DGKB: variants seen among roughly 807,000 people sequenced by gnomAD.
DGKB encodes the protein 90 kDa diacylglycerol kinase.
DGKB carries 67 observed loss-of-function variants against 114.3 expected under a neutral mutation model. The observed-to-expected ratio is 0.59, with a 90% CI of 0.48 to 0.72. The LOEUF (loss-of-function observed/expected upper bound fraction) is 0.72. DGKB is among the 30% of genes least tolerant of loss of function. DGKB has a pLI of 0.00. For synonymous variants in DGKB, 398 were observed against 323.1 expected, an observed-to-expected ratio of 1.23 and a Z score of -2.49; for missense variants, 907 against 975.2, an observed-to-expected ratio of 0.93 and a Z score of 0.93.
chr7:14,763,197 GT>G (rs1243935280), intron 2 of DGKB, among the ~76,000 whole-genome samples: 4 of 151,986 alleles, frequency 2.6e-5, no homozygotes, highest in African/African-American at 9.7e-5. Flanking sequence ...GTTGAGTGAA[GT>G]TCAACATAAT....
At chr7:14,317,400 C>T (rs1423615193) in intron 23 of DGKB, among the ~76,000 whole-genome samples, 2 of 144,836 alleles carry the variant, frequency 1.4e-5, no homozygotes, top group Admixed American at 1.4e-4. Flanking sequence ...TGTCTCAGCC[C>T]AAAATCTCCT....
chr7:14,643,986 C>A (rs62445640), intron 13 of DGKB, among the ~76,000 whole-genome samples: 7,200 of 152,192 alleles, frequency 0.047, 234 homozygotes, highest in African/African-American at 0.094. Flanking sequence ...CCCATGCCTA[C>A]AAATATCCCC....
intron 21 of DGKB, among the ~76,000 whole-genome samples, chr7:14,429,871 G>A (rs1828167783): frequency 6.6e-6 from 1 of 152,042 alleles, no homozygotes; most frequent in African/African-American, 2.4e-5. Context: ...AGGTTGTAGT[G>A]AGCTGAGATC....
chr7:14,834,089 G>A (rs1329153879), intron 2 of DGKB, among the ~76,000 whole-genome samples: 1 of 152,082 alleles, frequency 6.6e-6, no homozygotes, highest in Non-Finnish European at 1.5e-5. Flanking sequence ...GGTAACTAAG[G>A]AAACTTGGAA....
chr7:14,613,640 C>G (rs1454324520), intron 15 of DGKB, among the ~76,000 whole-genome samples: 1 of 151,412 alleles, frequency 6.6e-6, no homozygotes, highest in Non-Finnish European at 1.5e-5. Context: ...GCATGCCTAT[C>G]TAGATAGAGG....
intron 2 of DGKB, among the ~76,000 whole-genome samples, chr7:14,801,242 G>A (rs932775222): frequency 7.9e-5 from 12 of 152,116 alleles, no homozygotes; most frequent in East Asian, 1.9e-4. Context: ...AAAGACCAGC[G>A]CATTTTCAGT....
At chr7:14,833,879 T>G (rs1484901422) in intron 2 of DGKB, among the ~76,000 whole-genome samples, 3 of 152,098 alleles carry the variant, frequency 2.0e-5, no homozygotes, top group African/African-American at 7.2e-5. Context: ...TCAACTTCTA[T>G]CCATATGCGC....
At chr7:14,953,603 T>C (rs1296234717) in intron 1 of DGKB, among the ~76,000 whole-genome samples, 1 of 152,086 alleles carries the variant, frequency 6.6e-6, no homozygotes, top group African/African-American at 2.4e-5. Context: ...GATGGGAACA[T>C]GTAACAGTGC....
chr7:14,483,891 G>T (rs564689868), intron 20 of DGKB, among the ~76,000 whole-genome samples: 1 of 152,210 alleles, frequency 6.6e-6, no homozygotes, highest in Middle Eastern at 3.4e-3. Flanking sequence ...GGAGCACCTC[G>T]ATTTTAGTCC....
intron 21 of DGKB, among the ~76,000 whole-genome samples, chr7:14,439,395 C>T (rs1484222042): frequency 6.6e-6 from 1 of 152,004 alleles, no homozygotes; most frequent in East Asian, 1.9e-4. Context: ...ACAAAAAGAC[C>T]TGTGTTCTCT....
rs1229094965 is a variant in DGKB at position 14,148,785 on chromosome 7, T to C, written c.*346A>G. The C allele has an allele frequency of 2.5e-5, 8 of 321,860 alleles. No homozygotes were observed. Among genetic ancestry groups the C allele is most frequent in the African/African-American group, 4.5e-5 (2 of 44,750 alleles). The allele number at this position is 321,860 out of a possible 1,614,324, so 19.9% of individuals were successfully genotyped here. ...ATCACACTGAGAATCACGTTTCCCATGGTATTTCCTTTTTCATGTTTCACG... is the reference window on the plus strand; with the variant it reads ...ATCACACTGAGAATCACGTTTCCCACGGTATTTCCTTTTTCATGTTTCACG... On this transcript the variant is annotated 3_prime_UTR_variant, in exon 26 of 26. Transcript: ENST00000402815.
intron 21 of DGKB, among the ~76,000 whole-genome samples, chr7:14,467,569 C>G (rs1475401201): frequency 5.9e-5 from 9 of 151,918 alleles, no homozygotes; most frequent in Non-Finnish European, 1.3e-4. Context: ...TTACATATCC[C>G]AATATGAAAA....
chr7:14,817,072 AG>A (rs1844259085), intron 2 of DGKB, among the ~76,000 whole-genome samples: 1 of 152,172 alleles, frequency 6.6e-6, no homozygotes, highest in African/African-American at 2.4e-5. Flanking sequence ...TTCAGGAAAT[AG>A]TCTACACTAT....
intron 4 of DGKB, chr7:14,749,995 T>G: frequency 2.3e-6 from 1 of 436,354 alleles, no homozygotes; most frequent in South Asian, 1.6e-5. Flanking sequence ...GTCTTTTACC[T>G]TACAGGTCCT....
chr7:14,307,172 G>GCTAGCACAATAATATTAGTAGACA (rs202238963), intron 23 of DGKB, among the ~76,000 whole-genome samples: 1 of 152,106 alleles, frequency 6.6e-6, no homozygotes, highest in African/African-American at 2.4e-5. Flanking sequence ...ATAAATAATT[G>GCTAGCACAATAATATTAGTAGACA]AGGGTTACAT....
At chr7:14,474,913 A>G (rs1781947417) in intron 21 of DGKB, among the ~76,000 whole-genome samples, 1 of 152,066 alleles carries the variant, frequency 6.6e-6, no homozygotes, top group Admixed American at 6.6e-5. Flanking sequence ...TAGAAAGTTA[A>G]ACAGCATGCT....
chr7:14,268,029 G>A (rs1797756014), intron 23 of DGKB, among the ~76,000 whole-genome samples: 1 of 152,050 alleles, frequency 6.6e-6, no homozygotes, highest in East Asian at 1.9e-4. Flanking sequence ...CATGGTTAAT[G>A]AAAAAATCAG....
intron 21 of DGKB, among the ~76,000 whole-genome samples, chr7:14,358,716 A>G (rs1583393208): frequency 2.0e-5 from 3 of 152,248 alleles, no homozygotes; most frequent in Middle Eastern, 6.8e-3. Flanking sequence ...CTACAAAGAG[A>G]ATAAAATGCC....
intron 9 of DGKB, among the ~76,000 whole-genome samples, chr7:14,689,199 A>ATTTTTTTTTTGTTTTTTTTTTTTT (rs1822296633): frequency 1.3e-5 from 1 of 76,566 alleles, no homozygotes; most frequent in Non-Finnish European, 2.6e-5. Context: ...AACTCCTCTT[A>ATTTTTTTTTTGTTTTTTTTTTTTT]TTTTTTTTTT....
Sources: allele counts gnomAD v4.1 joint callset (sites outside exome capture counted in the v4.1 genomes callset), GRCh38; gene constraint gnomAD v4.1.1; transcripts MANE v1.5; gene names NCBI Gene and HGNC (gene_info 2026-07-23, HGNC 2026-07-21).